Variants in PCDH15 observed in about 807,000 individuals in gnomAD.
PCDH15 encodes protocadherin related 15, also known as protocadherin-15.
PCDH15 carries 129 observed loss-of-function variants against 178.5 expected under a neutral mutation model. The ratio of observed to expected loss-of-function variants is 0.72; its 90% CI spans 0.63 to 0.84. The LOEUF (loss-of-function observed/expected upper bound fraction) is 0.84, where lower values mean the gene tolerates loss of function less well. PCDH15 is among the 40% of genes least tolerant of loss of function. The pLI is 0.00. For synonymous variants in PCDH15, 800 were observed against 732.0 expected, an observed-to-expected ratio of 1.09 and a Z score of -1.50; for missense variants, 2,230 against 2,099.9, an observed-to-expected ratio of 1.06 and a Z score of -1.21.
chr10:55,379,364 G>C (rs954292646), intron 2 of PCDH15, among the ~76,000 whole-genome samples: 1 of 150,778 alleles, frequency 6.6e-6, no homozygotes. Context: ...TTATTTAAAG[G>C]GTAAAAGAGA....
intron 2 of PCDH15, among the ~76,000 whole-genome samples, chr10:54,923,837 C>A (rs1366887392): frequency 2.9e-5 from 4 of 137,866 alleles, no homozygotes; most frequent in African/African-American, 1.0e-4. Flanking sequence ...TCAACAATGT[C>A]CTTCATCTTA....
At chr10:55,128,887 CAG>C (rs1283659813) in intron 2 of PCDH15, among the ~76,000 whole-genome samples, 1 of 152,052 alleles carries the variant, frequency 6.6e-6, no homozygotes, top group Admixed American at 6.6e-5. Context: ...GTTAGCCTGC[CAG>C]AGTTTCATGG....
chr10:55,613,014 C>CAAT (rs1843400604), intron 2 of PCDH15, among the ~76,000 whole-genome samples: 1 of 143,440 alleles, frequency 7.0e-6, no homozygotes, highest in African/African-American at 2.6e-5. Flanking sequence ...ATTTACTAGC[C>CAAT]AGATTTTTTT....
At chr10:55,520,575 A>T (rs1841151877) in intron 2 of PCDH15, among the ~76,000 whole-genome samples, 1 of 150,430 alleles carries the variant, frequency 6.6e-6, no homozygotes, top group South Asian at 2.1e-4. Context: ...TAGGAAGAAC[A>T]TAAATCATTC....
intron 26 of PCDH15, among the ~76,000 whole-genome samples, chr10:53,869,992 A>T (rs1446383799): frequency 6.6e-6 from 1 of 152,174 alleles, no homozygotes; most frequent in Non-Finnish European, 1.5e-5. Flanking sequence ...AAGCCCTTAT[A>T]TTTAAAATAA....
chr10:54,946,696 T>C (rs1838207511), intron 2 of PCDH15, among the ~76,000 whole-genome samples: 1 of 151,890 alleles, frequency 6.6e-6, no homozygotes, highest in African/African-American at 2.4e-5. Context: ...AATGTACCTT[T>C]AAATCATAAT....
chr10:54,526,352 G>T (rs887430242), intron 3 of PCDH15, among the ~76,000 whole-genome samples: 6 of 152,112 alleles, frequency 3.9e-5, no homozygotes, highest in African/African-American at 9.7e-5. Flanking sequence ...AATTAGAAAA[G>T]AAATTGTTGA....
intron 1 of PCDH15, among the ~76,000 whole-genome samples, chr10:55,289,040 C>A (rs1315370124): frequency 6.6e-6 from 1 of 151,864 alleles, no homozygotes; most frequent in Non-Finnish European, 1.5e-5. Context: ...TATTTACTTA[C>A]CAACATAAAA....
chr10:54,611,352 C>T (rs901511862), intron 2 of PCDH15, among the ~76,000 whole-genome samples: 2 of 151,786 alleles, frequency 1.3e-5, no homozygotes, highest in Non-Finnish European at 2.9e-5. Context: ...AAATGAAGGA[C>T]ACAGAAGCAC....
intron 20 of PCDH15, among the ~76,000 whole-genome samples, chr10:54,007,607 ACACT>A (rs1490071174): frequency 6.6e-6 from 1 of 152,174 alleles, no homozygotes; most frequent in Non-Finnish European, 1.5e-5. Flanking sequence ...TTAAAACTTG[ACACT>A]AAGAAAGCTG....
chr10:55,046,234 C>A (rs1378229299), intron 2 of PCDH15, among the ~76,000 whole-genome samples: 3 of 151,886 alleles, frequency 2.0e-5, no homozygotes, highest in Non-Finnish European at 4.4e-5. Context: ...AAGGAAATAC[C>A]TGCTTGTGAG....
intron 2 of PCDH15, among the ~76,000 whole-genome samples, chr10:55,077,892 T>G (rs1841948337): frequency 6.6e-6 from 1 of 152,112 alleles, no homozygotes; most frequent in African/African-American, 2.4e-5. Flanking sequence ...CTCTTCTTTA[T>G]TTGTGTCATT....
chr10:54,895,446 G>C (rs1330633845), intron 3 of PCDH15, among the ~76,000 whole-genome samples: 1 of 152,128 alleles, frequency 6.6e-6, no homozygotes, highest in Non-Finnish European at 1.5e-5. Context: ...TCAAAGACAA[G>C]AGATAAGTTT....
chr10:54,394,172 G>T (rs1950901273), intron 3 of PCDH15, among the ~76,000 whole-genome samples: 1 of 151,856 alleles, frequency 6.6e-6, no homozygotes, highest in Non-Finnish European at 1.5e-5. Flanking sequence ...TGATGAGATA[G>T]ATATTTTTTG....
intron 1 of PCDH15, among the ~76,000 whole-genome samples, chr10:55,267,788 A>G (rs1842338262): frequency 6.6e-6 from 1 of 152,236 alleles, no homozygotes; most frequent in Admixed American, 6.5e-5. Context: ...AACAAGTTGG[A>G]CAATGAATAG....
intron 8 of PCDH15, among the ~76,000 whole-genome samples, chr10:54,238,809 C>T (rs1005869563): frequency 3.3e-5 from 5 of 151,914 alleles, no homozygotes; most frequent in Non-Finnish European, 5.9e-5. Flanking sequence ...TATGTTTGAG[C>T]ACAGGACTTA....
chr10:54,225,379 G>A (rs1284490748), intron 9 of PCDH15, among the ~76,000 whole-genome samples: 1 of 152,030 alleles, frequency 6.6e-6, no homozygotes, highest in African/African-American at 2.4e-5. Flanking sequence ...TTCTGACTAC[G>A]TAGATTCAAA....
intron 2 of PCDH15, among the ~76,000 whole-genome samples, chr10:54,922,743 C>T (rs1040745866): frequency 1.3e-5 from 2 of 152,160 alleles, no homozygotes; most frequent in Admixed American, 1.3e-4. Context: ...AGGGTGAGCT[C>T]CCAAGGCCTT....
At chr10:55,448,732 C>G (rs766610330) in intron 2 of PCDH15, among the ~76,000 whole-genome samples, 1 of 151,892 alleles carries the variant, frequency 6.6e-6, no homozygotes, top group Non-Finnish European at 1.5e-5. Context: ...GAAGGTCCCA[C>G]AATAGTTGGA....
Sources: gnomAD v4.1 joint callset for allele counts (sites outside exome capture counted in the v4.1 genomes callset) on GRCh38, gnomAD v4.1.1 for gene constraint, MANE v1.5 for transcripts, NCBI Gene and HGNC (gene_info 2026-07-23, HGNC 2026-07-21) for gene names.